ALMS1: variants seen among roughly 807,000 people sequenced by gnomAD.
ALMS1 encodes centrosome-associated protein ALMS1.
A neutral mutation model predicts 352.2 loss-of-function variants in ALMS1; 271 were observed. The observed-to-expected ratio is 0.77, with a 90% CI of 0.70 to 0.85. The LOEUF is 0.85. Among genes scored for constraint, ALMS1 ranks in the 40% least tolerant of loss-of-function variants. The probability of loss-of-function intolerance (pLI) is 0.00; values close to 1 mark genes in which losing one functional copy is unlikely to be tolerated. For synonymous variants in ALMS1, 1,865 were observed against 1,761.2 expected (o/e 1.06, Z -1.48); for missense variants, 5,445 against 4,870.7 (o/e 1.12, Z -3.51).
chr2:73,599,456 T>C lies in ALMS1; in HGVS notation c.11603T>C (p.Leu3868Pro), dbSNP rs746755541. 10 of 1,613,544 alleles carry C rather than the reference T, an allele frequency of 6.2e-6. No individual in the cohort carries two copies. Among genetic ancestry groups the C allele is most frequent in the African/African-American group, 1.3e-5 (1 of 74,932 alleles). ...ATTTCCTCTTCTGCCAGTAGTTTCC[T>C]GAGCTCAAACTCTACTTTTTGCAAC... The part of the protein sequence containing the change: ...DSISSSASSF[L>P]SSNSTFCNKQ... Residue 3868 changes from leucine (L) to proline (P), a missense_variant, in exon 17 of 23, where the codon CTG becomes CCG. Leu to Pro is a moderately conservative substitution (Grantham distance 98). Transcript: ENST00000613296.
intron 1 of ALMS1, among the ~76,000 whole-genome samples, chr2:73,394,979 CATATATATGTGTAT>C (rs202207463): frequency 0.036 from 4,281 of 117,418 alleles, 191 homozygotes; most frequent in African/African-American, 0.1. Context: ...TGGTATTTTA[CATATATATGTGTAT>C]ATATATATGT....
chr2:73,608,445 T>G (rs1200827610), intron 21 of ALMS1, 30 bp from the exon 22 acceptor site: 1 of 1,582,578 alleles, frequency 6.3e-7, no homozygotes, highest in South Asian at 1.1e-5. Flanking sequence ...CCTCCCCGAT[T>G]TCTGTCCTTT....
intron 9 of ALMS1, among the ~76,000 whole-genome samples, chr2:73,460,555 C>T (rs148075603): frequency 4.7e-3 from 709 of 152,234 alleles, no homozygotes; most frequent in African/African-American, 9.6e-3. Flanking sequence ...TCTGAGGTAC[C>T]GGGTTCATCT....
intron 16 of ALMS1, among the ~76,000 whole-genome samples, chr2:73,574,744 G>T (rs950250896): frequency 6.6e-6 from 1 of 152,062 alleles, no homozygotes; most frequent in East Asian, 1.9e-4. Context: ...CCAGGAGAGG[G>T]TTTGTGTGTG....
At position 73,573,084 on chromosome 2, in the gene ALMS1, A is replaced by G. The variant is rs754864496; in HGVS notation, c.11207A>G (p.Asp3736Gly). ...GFNYISNTSS[D>G]CRPSEESELL... ...AATTATATAAGCAACACTTCTTCGG[A>G]TTGTCGGCCCTCAGAGGAGAGTGAG... The change falls in exon 16 of 23, where the codon GAT (aspartate) becomes GGT (glycine). Residue 3736 changes from aspartate to glycine, a missense_variant. Transcript: ENST00000613296. 1 of 1,613,904 alleles carries G rather than the reference A, an allele frequency of 6.2e-7. No individual in the cohort carries two copies. The highest frequency in any genetic ancestry group is 8.5e-7 in the Non-Finnish European group (1 of 1,180,016).
At chr2:73,418,427 T>A (rs1174403489) in intron 2 of ALMS1, among the ~76,000 whole-genome samples, 1 of 152,134 alleles carries the variant, frequency 6.6e-6, no homozygotes, top group Non-Finnish European at 1.5e-5. Context: ...CTTCAGTAGG[T>A]CCCATGAATC....
intron 10 of ALMS1, among the ~76,000 whole-genome samples, chr2:73,508,922 A>G (rs897493888): frequency 3.3e-5 from 5 of 152,142 alleles, no homozygotes; most frequent in Admixed American, 6.5e-5. Context: ...GGGTGCATAT[A>G]TATTTAGGAT....
chr2:73,442,840 ATC>A (rs1671744629), intron 7 of ALMS1, among the ~76,000 whole-genome samples: 1 of 152,200 alleles, frequency 6.6e-6, no homozygotes, highest in Non-Finnish European at 1.5e-5. Flanking sequence ...AAATGTTTGT[ATC>A]TGACTACTAT....
rs111480635 is a variant in ALMS1, at chr2:73,578,960, A to C, written c.11547+5536A>C. ...TCAAGGTATTGTCAAATGTCCTTTCATTTCACCTTGGAGTACTCTCTTTAT... is the reference window on the plus strand; with the variant it reads ...TCAAGGTATTGTCAAATGTCCTTTCCTTTCACCTTGGAGTACTCTCTTTAT... On this transcript the variant is annotated intron_variant, in intron 16 of 22. Coordinates refer to ENST00000613296, the MANE Select transcript of ALMS1 (RefSeq NM_001378454.1). Among the ~76,000 whole-genome samples, 703 of 151,128 alleles carry C rather than the reference A, an allele frequency of 4.7e-3. 3 individuals carry two copies. Among genetic ancestry groups the C allele is most frequent in the African/African-American group, 0.016 (670 of 40,886 alleles).
chr2:73,449,228 C>A lies in ALMS1; in HGVS notation c.2701C>A (p.Pro901Thr). The A allele has an allele frequency of 6.2e-7, 1 of 1,614,090 alleles. No individual in the cohort carries two copies. The highest frequency in any genetic ancestry group is 2.2e-5 in the East Asian group (1 of 44,868). Residue 901 changes from proline to threonine, a missense_variant, in exon 8 of 23, where the codon CCC becomes ACC. Pro to Thr is a conservative substitution (Grantham distance 38). Transcript: ENST00000613296. ...PGPGDQKTGI[P>T]SAPSSFYSHR... ...ACCAGGTGATCAGAAGACTGGGATA[C>A]CCTCAGCACCATCTAGTTTCTACTC...
chr2:73,537,656 A>C (rs923311676), intron 12 of ALMS1, among the ~76,000 whole-genome samples: 1 of 152,304 alleles, frequency 6.6e-6, no homozygotes, highest in African/African-American at 2.4e-5. Flanking sequence ...TAAAGCAACA[A>C]CACCAAACCC....
chr2:73,566,809 G>T (rs1387394941), intron 15 of ALMS1, among the ~76,000 whole-genome samples: 1 of 152,178 alleles, frequency 6.6e-6, no homozygotes, highest in African/African-American at 2.4e-5. Context: ...GGGGTGGTGG[G>T]GAGAATCCCA....
Position 73,481,088 on chromosome 2 carries a change from C to G in ALMS1, c.7675-8546C>G, listed in dbSNP as rs1303182888. 2.6e-5 allele frequency among the ~76,000 whole-genome samples: 4 copies of G among 151,866 alleles called. No homozygotes were observed. The East Asian group carries it at 7.7e-4, about 29-fold the overall frequency. On this transcript the variant is annotated intron_variant, in intron 9 of 22. Transcript: ENST00000613296. ...AGAAGCTCTTTAGTTTAATTAGATC[C>G]CATTTGTCAATTTTGTCTTTTGTTG...
intron 10 of ALMS1, among the ~76,000 whole-genome samples, chr2:73,508,800 T>G (rs1673389410): frequency 6.6e-6 from 1 of 152,196 alleles, no homozygotes; most frequent in Non-Finnish European, 1.5e-5. Context: ...CTCGTTGATT[T>G]GTCTAATATT....
intron 16 of ALMS1, among the ~76,000 whole-genome samples, chr2:73,596,911 G>A (rs2104180551): frequency 9.9e-6 from 1 of 100,722 alleles, no homozygotes; most frequent in South Asian, 3.4e-4. Context: ...TGGCCCTTGT[G>A]GTCCTTGCCA....
rs1672978412 is a variant in ALMS1 at position 73,491,221 on chromosome 2, C to T, written c.9262C>T (p.His3088Tyr). 6.2e-7 allele frequency: 1 copy of T among 1,614,140 alleles called. No homozygotes were observed. The highest frequency in any genetic ancestry group is 1.1e-5 in the South Asian group (1 of 91,066). Reference sequence around the variant, plus strand: ...GAATAGTGAGTTTAACTTTGACTTACATACTGTATCTTCGAGATCACTGGA... The same window carrying T: ...GAATAGTGAGTTTAACTTTGACTTATATACTGTATCTTCGAGATCACTGGA... ...RMNSEFNFDL[H>Y]TVSSRSLEPT... The change falls in exon 10 of 23, where the codon CAT becomes TAT. Residue 3088 changes from histidine (H) to tyrosine (Y), a missense_variant. Coordinates refer to ENST00000613296, the MANE Select transcript of ALMS1 (RefSeq NM_001378454.1).
intron 15 of ALMS1, among the ~76,000 whole-genome samples, chr2:73,567,319 C>G (rs1674825173): frequency 6.6e-6 from 1 of 152,186 alleles, no homozygotes; most frequent in Admixed American, 6.5e-5. Flanking sequence ...CTCCTTGAAC[C>G]TTTATCACTC....
rs138707089 is a variant in ALMS1, at chr2:73,583,533, G to C, written c.11547+10109G>C. Among the ~76,000 whole-genome samples, 85 of 152,128 alleles carry C rather than the reference G, an allele frequency of 5.6e-4. 1 individual carries two copies. The highest frequency in any genetic ancestry group is 1.9e-3 in the African/African-American group (78 of 41,490). ...CTGTTTGTCTATTTTTGCTTTCGTTGCCTGTGATTTTGGTGTAATATTCAA... is the reference window on the plus strand; with the variant it reads ...CTGTTTGTCTATTTTTGCTTTCGTTCCCTGTGATTTTGGTGTAATATTCAA... On this transcript the variant is annotated intron_variant, in intron 16 of 22. Transcript: ENST00000613296.
intron 7 of ALMS1, among the ~76,000 whole-genome samples, chr2:73,447,717 A>G (rs1020794984): frequency 6.6e-6 from 1 of 152,166 alleles, no homozygotes; most frequent in East Asian, 1.9e-4. Context: ...AGATCCATAT[A>G]ATATTTCATC....
Sources: gnomAD v4.1 joint callset for allele counts (sites outside exome capture counted in the v4.1 genomes callset) on GRCh38, gnomAD v4.1.1 for gene constraint, MANE v1.5 for transcripts, NCBI Gene and HGNC (gene_info 2026-07-23, HGNC 2026-07-21) for gene names.